TNFSF4: variants seen among roughly 807,000 people sequenced by gnomAD.
The protein encoded by TNFSF4 is TNF superfamily member 4.
In TNFSF4, 4 loss-of-function variants were observed where a neutral mutation model predicts 7.3. The observed-to-expected ratio is 0.55, with a 90% CI of 0.27 to 1.25. TNFSF4 has a LOEUF of 1.25. Ranked by LOEUF, TNFSF4 falls within the 50% of genes most tolerant of loss-of-function variation. The pLI, the probability that TNFSF4 is intolerant of heterozygous loss-of-function variation, is 0.12. For synonymous variants in TNFSF4, 76 were observed against 83.7 expected (o/e 0.91, Z 0.50); for missense variants, 181 against 208.8 (o/e 0.87, Z 0.82).
At chr1:173,312,291 A>G in the TNFSF4 span, among the ~76,000 whole-genome samples, 1 of 152,104 alleles carries the variant, frequency 6.6e-6, no homozygotes, top group Non-Finnish European at 1.5e-5. Flanking sequence ...AAAATTATCT[A>G]TCAGCATTTC....
upstream of TNFSF4, among the ~76,000 whole-genome samples, chr1:173,209,215 C>T (rs1170286020): frequency 2.0e-5 from 3 of 152,060 alleles, no homozygotes; most frequent in African/African-American, 2.4e-5. Flanking sequence ...TTATTGAACA[C>T]GTTTTCACAG....
chr1:173,310,061 T>A, the TNFSF4 span, among the ~76,000 whole-genome samples: 1 of 151,914 alleles, frequency 6.6e-6, no homozygotes, highest in East Asian at 1.9e-4. Context: ...GTGTTATCCC[T>A]CTTTTTGTCT....
the TNFSF4 span, among the ~76,000 whole-genome samples, chr1:173,352,954 C>A: frequency 6.6e-6 from 1 of 152,192 alleles, no homozygotes; most frequent in Non-Finnish European, 1.5e-5. Flanking sequence ...AGTGATATTT[C>A]TCTTACCCAT....
At chr1:173,250,393 A>T in the TNFSF4 span, among the ~76,000 whole-genome samples, 1 of 152,096 alleles carries the variant, frequency 6.6e-6, no homozygotes, top group Non-Finnish European at 1.5e-5. Flanking sequence ...ATCATGTCTT[A>T]TATGTACAAA....
chr1:173,328,464 C>T, the TNFSF4 span, among the ~76,000 whole-genome samples: 1 of 151,644 alleles, frequency 6.6e-6, no homozygotes, highest in Non-Finnish European at 1.5e-5. Flanking sequence ...TGTAACAAAC[C>T]TGCACGTTGT....
chr1:173,308,657 T>C, the TNFSF4 span, among the ~76,000 whole-genome samples: 2 of 151,936 alleles, frequency 1.3e-5, no homozygotes, highest in East Asian at 3.9e-4. Flanking sequence ...TCAAGATGTC[T>C]GTTGGTGAGT....
the TNFSF4 span, among the ~76,000 whole-genome samples, chr1:173,225,438 A>T: frequency 6.6e-6 from 1 of 151,702 alleles, no homozygotes; most frequent in Non-Finnish European, 1.5e-5. Flanking sequence ...TTTTTAAATG[A>T]CCCCTTTCTC....
the TNFSF4 span, among the ~76,000 whole-genome samples, chr1:173,240,439 T>C: frequency 2.0e-5 from 3 of 152,236 alleles, no homozygotes; most frequent in Non-Finnish European, 2.9e-5. Flanking sequence ...TAAAAGCAAT[T>C]AAATCTAAGT....
At chr1:173,319,373 G>T in the TNFSF4 span, among the ~76,000 whole-genome samples, 1 of 152,194 alleles carries the variant, frequency 6.6e-6, no homozygotes, top group Non-Finnish European at 1.5e-5. Context: ...TCATCTCCCT[G>T]GGACAGAGCA....
the TNFSF4 span, among the ~76,000 whole-genome samples, chr1:173,351,377 C>A: frequency 1.9e-4 from 29 of 152,280 alleles, no homozygotes; most frequent in South Asian, 3.9e-3. Flanking sequence ...CCATAGCACC[C>A]TGAATTACTC....
the TNFSF4 span, among the ~76,000 whole-genome samples, chr1:173,445,570 G>T: frequency 6.6e-6 from 1 of 152,080 alleles, no homozygotes; most frequent in South Asian, 2.1e-4. Flanking sequence ...ACAGAAAAGG[G>T]CTCCTGTGGT....
At chr1:173,396,584 G>A in the TNFSF4 span, among the ~76,000 whole-genome samples, 2 of 152,154 alleles carry the variant, frequency 1.3e-5, no homozygotes, top group African/African-American at 2.4e-5. Flanking sequence ...ATTGATATGG[G>A]CTCACTAAGC....
At chr1:173,228,885 G>T in the TNFSF4 span, among the ~76,000 whole-genome samples, 1 of 152,168 alleles carries the variant, frequency 6.6e-6, no homozygotes, top group Non-Finnish European at 1.5e-5. Flanking sequence ...AGAGAAAAAA[G>T]AGTAAAAAGA....
the TNFSF4 span, among the ~76,000 whole-genome samples, chr1:173,296,660 T>C: frequency 3.9e-5 from 6 of 151,908 alleles, no homozygotes; most frequent in African/African-American, 1.4e-4. Flanking sequence ...TTGACAGCCA[T>C]AGATACACTG....
the TNFSF4 span, among the ~76,000 whole-genome samples, chr1:173,422,976 T>TTC: frequency 6.2e-4 from 4 of 6,444 alleles, no homozygotes; most frequent in East Asian, 7.8e-3. Flanking sequence ...ATATGTACAT[T>TTC]TTTTTTTTTT....
At chr1:173,253,504 A>C in the TNFSF4 span, among the ~76,000 whole-genome samples, 2 of 152,216 alleles carry the variant, frequency 1.3e-5, no homozygotes, top group African/African-American at 4.8e-5. Context: ...TGAAGAAGAC[A>C]TAGGCCTTGC....
At chr1:173,188,320 G>A (rs1175976050) in intron 2 of TNFSF4, 1 of 564,850 alleles carries the variant, frequency 1.8e-6, no homozygotes, top group East Asian at 3.0e-5. Flanking sequence ...CATATTTGAT[G>A]AATAATTAAT....
downstream of TNFSF4, among the ~76,000 whole-genome samples, chr1:173,179,455 T>C (rs1649013309): frequency 6.6e-6 from 1 of 152,202 alleles, no homozygotes; most frequent in African/African-American, 2.4e-5. Context: ...CTTGGCTAAC[T>C]TGTGTTAGTA....
At position 173,186,645 on chromosome 1, in the gene TNFSF4, G is replaced by A; in HGVS notation, c.423C>T (p.Ala141=). 1 of 1,614,174 alleles carries A rather than the reference G, an allele frequency of 6.2e-7. No homozygotes were observed. Among genetic ancestry groups the A allele is most frequent in the African/African-American group, 1.3e-5 (1 of 75,058 alleles). The stretch of plus-strand genomic sequence containing the variant: ...AGACTTTGTCTTTGTAAGTCAGAGA[G>A]GCCACCATCAAGGAGTTGACAGACC... The part of the protein sequence containing the change: ...KVRSVNSLMV[A]SLTYKDKVYL... Residue 141 remains alanine (A), a synonymous_variant, in exon 3 of 3, where the codon GCC becomes GCT. Coordinates refer to ENST00000281834, the MANE Select transcript of TNFSF4 (RefSeq NM_003326.5).
Sources: allele counts gnomAD v4.1 joint callset (sites outside exome capture counted in the v4.1 genomes callset), GRCh38; gene constraint gnomAD v4.1.1; transcripts MANE v1.5; gene names NCBI Gene and HGNC (gene_info 2026-07-23, HGNC 2026-07-21).